The following NIN variants were observed in gnomAD, a reference collection of about 807,000 sequenced individuals.
NIN encodes the protein ninein.
Under a neutral mutation model 257.6 loss-of-function variants are expected in NIN, and 137 were observed. The observed-to-expected ratio is 0.53, with a 90% confidence interval of 0.46 to 0.61. NIN has a LOEUF of 0.61. Ranked by LOEUF, NIN falls within the 20% of genes least tolerant of loss-of-function variation. The probability of loss-of-function intolerance (pLI) is 0.00; values close to 1 mark genes in which losing one functional copy is unlikely to be tolerated. For synonymous variants in NIN, 918 were observed against 919.8 expected, an observed-to-expected ratio of 1.00 and a Z score of 0.04; for missense variants, 2,439 against 2,501.2, an observed-to-expected ratio of 0.98 and a Z score of 0.53.
chr14:50,794,130 A>T (rs1404724399), intron 4 of NIN, among the ~76,000 whole-genome samples: 1 of 152,196 alleles, frequency 6.6e-6, no homozygotes, highest in Non-Finnish European at 1.5e-5. Context: ...GGGTTTAGCC[A>T]TTACTTTACA....
chr14:50,828,999 CCT>C (rs1566890838), intron 2 of NIN, among the ~76,000 whole-genome samples: 1 of 152,192 alleles, frequency 6.6e-6, no homozygotes, highest in Non-Finnish European at 1.5e-5. Context: ...TCTATTGCCC[CCT>C]GTGAAGCCTT....
chr14:50,747,936 G>A, intron 22 of NIN, 56 bp downstream of exon 22: 2 of 1,149,496 alleles, frequency 1.7e-6, no homozygotes, highest in East Asian at 2.4e-5. Context: ...AGCCCAACAG[G>A]AGCCCACCAG....
chr14:50,737,146 A>C lies in NIN; in HGVS notation c.5775+994T>G, dbSNP rs75567980. Among the ~76,000 whole-genome samples the C allele has an allele frequency of 5.7e-3, 868 of 152,272 alleles. 9 individuals carry two copies. The highest frequency in any genetic ancestry group is 0.02 in the African/African-American group (816 of 41,540). On this transcript the variant is annotated intron_variant, in intron 27 of 30. Coordinates refer to ENST00000530997, the MANE Select transcript of NIN (RefSeq NM_020921.4). ...GTTGGTATGTCACTCGCAGGATTAG[A>C]TCATAAAGGGACCACAGCTTCTGTC...
chr14:50,778,230 T>G (rs2042994603), intron 6 of NIN, among the ~76,000 whole-genome samples: 1 of 152,158 alleles, frequency 6.6e-6, no homozygotes, highest in Admixed American at 6.5e-5. Flanking sequence ...CAAGCAGGAG[T>G]GCAGTGGCAC....
At chr14:50,752,766 G>T (rs772526623) in intron 20 of NIN, 33 bp from the exon 21 acceptor site, 235 of 1,102,328 alleles carry the variant, frequency 2.1e-4, no homozygotes, top group South Asian at 4.3e-4. Flanking sequence ...TTTCAAACTT[G>T]TTACCCTACT....
At chr14:50,798,665 T>A (rs1003648962) in intron 4 of NIN, among the ~76,000 whole-genome samples, 2 of 152,220 alleles carry the variant, frequency 1.3e-5, no homozygotes, top group African/African-American at 2.4e-5. Flanking sequence ...AATTGAACCC[T>A]CCCCATTGTT....
intron 4 of NIN, among the ~76,000 whole-genome samples, chr14:50,802,242 T>G (rs758254418): frequency 6.6e-6 from 1 of 152,244 alleles, no homozygotes; most frequent in Non-Finnish European, 1.5e-5. Flanking sequence ...CCAATCCATT[T>G]TTCTGCCTTT....
chr14:50,738,343 A>T, intron 26 of NIN, 57 bp from the exon 27 acceptor site: 1 of 1,499,276 alleles, frequency 6.7e-7, no homozygotes, highest in Non-Finnish European at 9.2e-7. Flanking sequence ...AGCCAGCAAA[A>T]ACAACAAACA....
intron 6 of NIN, among the ~76,000 whole-genome samples, chr14:50,778,152 A>G (rs1438629112): frequency 6.6e-6 from 1 of 152,172 alleles, no homozygotes; most frequent in South Asian, 2.1e-4. Context: ...CAAGGGATGC[A>G]TTTTTAAATT....
chr14:50,814,237 C>T (rs1486638492), intron 3 of NIN, among the ~76,000 whole-genome samples: 1 of 152,182 alleles, frequency 6.6e-6, no homozygotes, highest in Non-Finnish European at 1.5e-5. Context: ...ATCCTGTTTA[C>T]AGATGGAAAT....
intron 6 of NIN, among the ~76,000 whole-genome samples, chr14:50,778,357 C>T (rs577466805): frequency 2.6e-5 from 4 of 152,024 alleles, no homozygotes; most frequent in Admixed American, 6.6e-5. Context: ...TTAGTAGAGA[C>T]GGGGTATGCC....
chr14:50,754,004 G>A (rs558243906), intron 20 of NIN, among the ~76,000 whole-genome samples: 1 of 152,200 alleles, frequency 6.6e-6, no homozygotes, highest in South Asian at 2.1e-4. Context: ...TTCAAGTGCT[G>A]AAAATACTCT....
In NIN at chr14:50,743,496, C is replaced by T; in HGVS notation, c.5221G>A (p.Ala1741Thr). The change falls in exon 24 of 31, where the codon GCG becomes ACG. Residue 1741 changes from alanine (A) to threonine (T), a missense_variant. This residue lies in a region of NIN where 2,043 missense variants were observed against 2,050.2 expected (regional missense o/e 1.00). Coordinates refer to ENST00000530997, the MANE Select transcript of NIN (RefSeq NM_020921.4). ...GATTTCTGTTCCTGCTTCATCGTCG[C>T]AATTCTATGCTCTAAAAGACTTGAT... ...AKSSLLEHRIATMKQEQKSWE... is the reference protein window; with the variant it reads ...AKSSLLEHRITTMKQEQKSWE... 6.2e-7 allele frequency: 1 copy of T among 1,613,632 alleles called. No homozygotes were observed. The highest frequency in any genetic ancestry group is 8.5e-7 in the Non-Finnish European group (1 of 1,179,602).
At chr14:50,738,378 T>G in intron 26 of NIN, 92 bp from the exon 27 acceptor site, 1 of 1,084,442 alleles carries the variant, frequency 9.2e-7, no homozygotes, top group Non-Finnish European at 1.3e-6. Context: ...ATTCAGTACT[T>G]GGGTCCTGTT....
In NIN at chr14:50,754,865, T is replaced by C; in HGVS notation, c.4541A>G (p.Tyr1514Cys). 3 of 1,561,318 alleles carry C rather than the reference T, an allele frequency of 1.9e-6. No individual in the cohort carries two copies. The highest frequency in any genetic ancestry group is 2.6e-6 in the Non-Finnish European group (3 of 1,157,120). Residue 1514 changes from tyrosine (Y) to cysteine (C), a missense_variant and splice_region_variant, in exon 19 of 31, where the codon TAT becomes TGT. By Grantham distance (194) the Tyr-to-Cys change is radical (BLOSUM62 -2). Around this residue, in one of 3 missense-constraint regions of NIN, gnomAD observed 2,043 missense variants for 2,050.2 expected, o/e 1.00. Transcript: ENST00000530997. The stretch of plus-strand genomic sequence containing the variant: ...TTCCTGTTGAAGCTTTTCAGATTCA[T>C]ATCTGAAGCACAGAGATTGAAAAAA... ...EMQQKVELLR[Y>C]ESEKLQQENS...
At chr14:50,811,544 C>CTTGTTTTTTTTT (rs2044607966) in intron 3 of NIN, among the ~76,000 whole-genome samples, 1 of 75,276 alleles carries the variant, frequency 1.3e-5, no homozygotes, top group Non-Finnish European at 2.4e-5. Flanking sequence ...AATGGTCAAG[C>CTTGTTTTTTTTT]TTTTTTTTTT....
intron 10 of NIN, 121 bp downstream of exon 10, chr14:50,771,211 T>C: frequency 1.6e-6 from 2 of 1,265,434 alleles, no homozygotes; most frequent in Non-Finnish European, 2.2e-6. Flanking sequence ...TGTGCAGCAG[T>C]TGGATAGAAG....
intron 15 of NIN, among the ~76,000 whole-genome samples, chr14:50,763,333 A>C (rs1406038445): frequency 1.3e-5 from 2 of 152,204 alleles, no homozygotes; most frequent in Admixed American, 1.3e-4. Context: ...CCAGGAGGCC[A>C]GCCCTTATTT....
chr14:50,771,842 G>A (rs891654753), intron 9 of NIN: 19 of 190,716 alleles, frequency 1.0e-4, no homozygotes, highest in Non-Finnish European at 1.8e-4. Context: ...AAAAATAGCC[G>A]GGCATGGTGG....
Sources: allele counts gnomAD v4.1 joint callset (sites outside exome capture counted in the v4.1 genomes callset), GRCh38; gene constraint gnomAD v4.1.1; regional missense constraint gnomAD v4.1.1; transcripts MANE v1.5; gene names NCBI Gene and HGNC (gene_info 2026-07-23, HGNC 2026-07-21).